TBC1D5: variants seen among roughly 807,000 people sequenced by gnomAD.
TBC1D5 encodes TBC1 domain family member 5, also known as TBC1 domain family, member 5.
TBC1D5 carries 75 observed loss-of-function variants against 100.3 expected under a neutral mutation model. That is an observed-to-expected ratio of 0.75 (90% CI 0.62 to 0.91). TBC1D5 has a LOEUF of 0.91. Among genes scored for constraint, TBC1D5 ranks in the 40% least tolerant of loss-of-function variants. The pLI, the probability that TBC1D5 is intolerant of heterozygous loss-of-function variation, is 0.00. For synonymous variants in TBC1D5, 323 were observed against 325.6 expected (o/e 0.99, Z 0.09); for missense variants, 910 against 942.4 (o/e 0.97, Z 0.45).
chr3:17,207,413 T>A (rs984600854), intron 18 of TBC1D5, among the ~76,000 whole-genome samples: 2 of 152,152 alleles, frequency 1.3e-5, no homozygotes, highest in African/African-American at 4.8e-5. Context: ...CCAATACCAA[T>A]CCTCAAAATA....
At chr3:17,162,877 G>C (rs2066209323) in intron 21 of TBC1D5, among the ~76,000 whole-genome samples, 1 of 152,190 alleles carries the variant, frequency 6.6e-6, no homozygotes, top group Admixed American at 6.5e-5. Context: ...TAGACACTTT[G>C]TTCATAGGAC....
chr3:17,559,740 C>T (rs1019339624), intron 2 of TBC1D5, among the ~76,000 whole-genome samples: 1 of 151,946 alleles, frequency 6.6e-6, no homozygotes, highest in Non-Finnish European at 1.5e-5. Flanking sequence ...CAGGCGCCCA[C>T]GACCATGCCC....
chr3:17,172,350 C>A (rs559043020), intron 19 of TBC1D5, among the ~76,000 whole-genome samples: 1 of 152,298 alleles, frequency 6.6e-6, no homozygotes, highest in East Asian at 1.9e-4. Flanking sequence ...CTCCTAGTAA[C>A]AAATCTACTG....
chr3:17,429,737 TAATG>T (rs765241903), intron 3 of TBC1D5, among the ~76,000 whole-genome samples: 6 of 151,908 alleles, frequency 3.9e-5, no homozygotes, highest in Non-Finnish European at 5.9e-5. Context: ...AATGTAATTT[TAATG>T]ACAGCTACCT....
chr3:17,456,039 C>T (rs998777922), intron 3 of TBC1D5, among the ~76,000 whole-genome samples: 1 of 152,094 alleles, frequency 6.6e-6, no homozygotes, highest in Non-Finnish European at 1.5e-5. Context: ...CACTAACATA[C>T]ATCAGGGAAA....
intron 19 of TBC1D5, among the ~76,000 whole-genome samples, chr3:17,183,321 G>C (rs1440211904): frequency 1.3e-5 from 2 of 152,176 alleles, no homozygotes; most frequent in Non-Finnish European, 2.9e-5. Context: ...TTTAAGGGCA[G>C]AAGTCTGTAC....
chr3:17,677,765 G>T (rs1383997563), intron 1 of TBC1D5, among the ~76,000 whole-genome samples: 13 of 152,176 alleles, frequency 8.5e-5, no homozygotes, highest in African/African-American at 2.7e-4. Context: ...AACAATGACA[G>T]ACTGAATTAA....
Position 17,361,171 on chromosome 3 carries a change from T to G in TBC1D5, c.995+10904A>C, listed in dbSNP as rs183252301. Among the ~76,000 whole-genome samples the G allele has an allele frequency of 2.2e-4, 34 of 152,176 alleles. No individual in the cohort carries two copies. The East Asian group carries it at 6.6e-3, about 29-fold the overall frequency. On this transcript the variant is annotated intron_variant, in intron 13 of 21. Transcript: ENST00000253692. Reference sequence around the variant, plus strand: ...CTATTTACGTGACTGGAACGCTATTTCCTGTGTGTGAAAAGTACCAGTAAA... The same window carrying G: ...CTATTTACGTGACTGGAACGCTATTGCCTGTGTGTGAAAAGTACCAGTAAA...
chr3:17,542,782 A>C (rs373969713), intron 2 of TBC1D5, among the ~76,000 whole-genome samples: 1 of 152,176 alleles, frequency 6.6e-6, no homozygotes, highest in African/African-American at 2.4e-5. Context: ...CATAAGATGA[A>C]TCATCCTTGC....
At chr3:17,174,121 TACC>T (rs2067455049) in intron 19 of TBC1D5, among the ~76,000 whole-genome samples, 1 of 152,170 alleles carries the variant, frequency 6.6e-6, no homozygotes, top group South Asian at 2.1e-4. Context: ...ACCTCAAACT[TACC>T]ACGTCTAAGC....
intron 2 of TBC1D5, among the ~76,000 whole-genome samples, chr3:17,521,362 T>C (rs1319566747): frequency 6.6e-6 from 1 of 152,234 alleles, no homozygotes. Flanking sequence ...TTCCGCTAAA[T>C]GAATAGTAAA....
At chr3:17,390,624 T>G (rs1254935220) in intron 8 of TBC1D5, among the ~76,000 whole-genome samples, 1 of 152,118 alleles carries the variant, frequency 6.6e-6, no homozygotes, top group Non-Finnish European at 1.5e-5. Flanking sequence ...ACTGTTGTTA[T>G]GCCCATATTT....
intron 1 of TBC1D5, among the ~76,000 whole-genome samples, chr3:17,666,951 T>G (rs1239982014): frequency 6.6e-6 from 1 of 152,032 alleles, no homozygotes; most frequent in Non-Finnish European, 1.5e-5. Context: ...TTAGTCTGAA[T>G]TTTTTTTCAT....
chr3:17,736,474 T>C (rs900161051), intron 1 of TBC1D5, among the ~76,000 whole-genome samples: 1 of 152,136 alleles, frequency 6.6e-6, no homozygotes, highest in Non-Finnish European at 1.5e-5. Context: ...TTGTTCCTCA[T>C]GGAAGTAAAA....
intron 1 of TBC1D5, among the ~76,000 whole-genome samples, chr3:17,669,955 G>A (rs747408916): frequency 3.3e-5 from 5 of 152,104 alleles, no homozygotes; most frequent in African/African-American, 9.7e-5. Flanking sequence ...GCGCGATCTC[G>A]GCTCACTGCA....
chr3:17,435,089 T>C (rs2094511757), intron 3 of TBC1D5, among the ~76,000 whole-genome samples: 1 of 152,200 alleles, frequency 6.6e-6, no homozygotes, highest in Admixed American at 6.5e-5. Context: ...ACTATCAGCA[T>C]TTTGGTCAAA....
intron 13 of TBC1D5, among the ~76,000 whole-genome samples, chr3:17,344,962 C>A (rs1186735388): frequency 6.6e-6 from 1 of 152,136 alleles, no homozygotes; most frequent in Non-Finnish European, 1.5e-5. Context: ...ACCATAAAAA[C>A]CCTAGAAGAA....
intron 18 of TBC1D5, among the ~76,000 whole-genome samples, chr3:17,210,839 T>G (rs1468917500): frequency 6.6e-6 from 1 of 152,146 alleles, no homozygotes; most frequent in Non-Finnish European, 1.5e-5. Context: ...GTTCTCTAAT[T>G]TTCTTATGTT....
At position 17,503,766 on chromosome 3, in the gene TBC1D5, CAAATTATGGCCACA is replaced by C. The variant is rs1166093242; in HGVS notation, c.97+4694_97+4707del. Among the ~76,000 whole-genome samples, 14 of 149,668 alleles carry C rather than the reference CAAATTATGGCCACA, an allele frequency of 9.4e-5. 2 individuals carry two copies. The highest frequency in any genetic ancestry group is 2.8e-4 in the African/African-American group (11 of 39,468). On this transcript the variant is annotated intron_variant, in intron 3 of 21. Coordinates refer to ENST00000253692, the Ensembl canonical transcript of TBC1D5. The stretch of plus-strand genomic sequence containing the variant: ...GCATATTACATATAGTCTATGCTCC[CAAATTATGGCCACA>C]AATTTCTTAGAAAAGTAATAATTTA...
Sources: gnomAD v4.1 joint callset for allele counts (sites outside exome capture counted in the v4.1 genomes callset) on GRCh38, gnomAD v4.1.1 for gene constraint, MANE v1.5 for transcripts, NCBI Gene and HGNC (gene_info 2026-07-23, HGNC 2026-07-21) for gene names.